The following APOBEC3D variants were observed in gnomAD, a reference collection of about 807,000 sequenced individuals.
The protein encoded by APOBEC3D is DNA dC->dU-editing enzyme APOBEC-3D.
A neutral mutation model predicts 45.6 loss-of-function variants in APOBEC3D; 37 were observed. The ratio of observed to expected loss-of-function variants is 0.81; its 90% CI spans 0.62 to 1.07. The LOEUF is 1.07. Ranked by LOEUF, APOBEC3D falls within the 50% of genes least tolerant of loss-of-function variation. The pLI, the probability that APOBEC3D is intolerant of heterozygous loss-of-function variation, is 0.00. For missense variants in APOBEC3D, 496 were observed against 495.3 expected, an observed-to-expected ratio of 1.00 and a Z score of -0.01; for synonymous variants, 175 against 180.7, an observed-to-expected ratio of 0.97 and a Z score of 0.25.
chr22:39,021,613 C>T, intron 1 of APOBEC3D, 77 bp downstream of exon 1: 2 of 1,599,044 alleles, frequency 1.3e-6, no homozygotes, highest in East Asian at 2.2e-5. Context: ...CAGCCCTGGC[C>T]TCCCCCTGCC....
At chr22:39,023,429 C>G (rs1416192414) in intron 2 of APOBEC3D, among the ~76,000 whole-genome samples, 1 of 146,410 alleles carries the variant, frequency 6.8e-6, no homozygotes, top group Non-Finnish European at 1.5e-5. Context: ...TCCTATATTT[C>G]TTTTTTCTTT....
At position 39,031,784 on chromosome 22, in the gene APOBEC3D, A is replaced by G. The variant is rs757886878; in HGVS notation, c.853A>G (p.Thr285Ala). ...GTCTCCTAACACAAACTACGAGGTC[A>G]CCTGGTACACATCTTGGAGCCCTTG... is the stretch of plus-strand genomic sequence containing the variant. ...ILSPNTNYEV[T>A]WYTSWSPCPE... The change falls in exon 6 of 7, where the codon ACC (threonine) becomes GCC (alanine). Residue 285 changes from threonine (T) to alanine (A), a missense_variant. Coordinates refer to ENST00000216099, the MANE Select transcript of APOBEC3D (RefSeq NM_152426.4). The G allele has an allele frequency of 8.7e-6, 14 of 1,613,848 alleles. No individual in the cohort carries two copies. Among genetic ancestry groups the G allele is most frequent in the Non-Finnish European group, 1.2e-5 (14 of 1,179,940 alleles).
At chr22:39,022,123 C>T (rs1255485291) in intron 1 of APOBEC3D, among the ~76,000 whole-genome samples, 2 of 152,200 alleles carry the variant, frequency 1.3e-5, no homozygotes, top group Non-Finnish European at 2.9e-5. Flanking sequence ...TGAGAAAGAA[C>T]GCGATGATCA....
chr22:39,025,739 C>T lies in APOBEC3D; in HGVS notation c.605+68C>T, dbSNP rs1925589060. The T allele has an allele frequency of 2.1e-5, 34 of 1,608,890 alleles. No homozygotes were observed. In the South Asian group the frequency reaches 3.5e-4, roughly 17 times the overall value. ...TCCTGCTCATCCTCCTGAGGACTCC[C>T]CTGGCTGGGCCCTCCTGCCCTCCGT... On this transcript the variant is annotated intron_variant, in intron 4 of 6. Transcript: ENST00000216099.
At chr22:39,021,951 A>C (rs927496759) in intron 1 of APOBEC3D, among the ~76,000 whole-genome samples, 2 of 152,190 alleles carry the variant, frequency 1.3e-5, no homozygotes, top group Admixed American at 6.5e-5. Context: ...TACTTTGTTT[A>C]AATACAAAGT....
Position 39,032,585 on chromosome 22 carries a change from A to G in APOBEC3D, c.*269A>G, listed in dbSNP as rs543144989. 6.3e-6 allele frequency: 7 copies of G among 1,116,158 alleles called. No homozygotes were observed. In the East Asian group the frequency reaches 1.9e-4, roughly 31 times the overall value. 69.1% of individuals were successfully genotyped at this position (1,116,158 alleles called of 1,614,324 possible). A position where few individuals can be genotyped will look rare whatever the true frequency, so the allele number is the denominator to read the frequency against. ...CTCTTCCCATCTCCCCAGCATAACC[A>G]AATCTTTTTTTTTTTTTTTTTTTTT... On this transcript the variant is annotated 3_prime_UTR_variant, in exon 7 of 7. Coordinates refer to ENST00000216099, the MANE Select transcript of APOBEC3D (RefSeq NM_152426.4).
At chr22:39,023,568 A>T (rs1469452483) in intron 2 of APOBEC3D, among the ~76,000 whole-genome samples, 1 of 149,474 alleles carries the variant, frequency 6.7e-6, no homozygotes, top group Non-Finnish European at 1.5e-5. Context: ...TGCCTCAGCC[A>T]CCTGAATAGC....
intron 4 of APOBEC3D, among the ~76,000 whole-genome samples, chr22:39,026,757 G>T (rs28517561): frequency 0.53 from 75,117 of 141,722 alleles, 19,343 homozygotes; most frequent in East Asian, 0.73. Flanking sequence ...AGGTTTTTTT[G>T]TTTTTTTTTT....
At position 39,025,500 on chromosome 22, in the gene APOBEC3D, G is replaced by A. The variant is rs963420093; in HGVS notation, c.491-57G>A. 3 of 1,613,978 alleles carry A rather than the reference G, an allele frequency of 1.9e-6. No homozygotes were observed. In the African/African-American group the frequency reaches 4.0e-5, roughly 22 times the overall value. On this transcript the variant is annotated intron_variant, in intron 3 of 6. Transcript: ENST00000216099. ...ACTGACAGCCAGGAGACCAGGCCTG[G>A]GAGGGCAGGCCCAGGGTCAGGGGAG...
At chr22:39,024,361 A>C (rs1359964800) in intron 2 of APOBEC3D, among the ~76,000 whole-genome samples, 1 of 152,186 alleles carries the variant, frequency 6.6e-6, no homozygotes, top group Non-Finnish European at 1.5e-5. Flanking sequence ...GAGGGCCAGG[A>C]CACAGTAGGG....
chr22:39,032,565 C>T lies in APOBEC3D; in HGVS notation c.*249C>T, dbSNP rs1157714868. ...CCTGGGTGCCCCTAACTTGACTCTTCCCATCTCCCCAGCATAACCAAATCT... is the reference window on the plus strand; with the variant it reads ...CCTGGGTGCCCCTAACTTGACTCTTTCCATCTCCCCAGCATAACCAAATCT... On this transcript the variant is annotated 3_prime_UTR_variant, in exon 7 of 7. Coordinates refer to ENST00000216099, the MANE Select transcript of APOBEC3D (RefSeq NM_152426.4). 2 of 1,244,056 alleles carry T rather than the reference C, an allele frequency of 1.6e-6. No individual in the cohort carries two copies. The highest frequency in any genetic ancestry group is 2.0e-6 in the Non-Finnish European group (2 of 992,618). 77.1% of individuals were successfully genotyped at this position (1,244,056 alleles called of 1,614,324 possible). A position where few individuals can be genotyped will look rare whatever the true frequency, so the allele number is the denominator to read the frequency against.
intron 3 of APOBEC3D, 56 bp downstream of exon 3, chr22:39,025,405 A>G: frequency 6.2e-7 from 1 of 1,612,444 alleles, no homozygotes; most frequent in Non-Finnish European, 8.5e-7. Context: ...TCAGAGATGG[A>G]TGGATCTGCA....
chr22:39,027,809 G>A (rs118081816), intron 4 of APOBEC3D, among the ~76,000 whole-genome samples: 1 of 152,070 alleles, frequency 6.6e-6, no homozygotes, highest in African/African-American at 2.4e-5. Context: ...CTGCTATGTG[G>A]TCGCCCCACT....
In APOBEC3D at chr22:39,032,480, G is replaced by T; in HGVS notation, c.*164G>T. The T allele has an allele frequency of 2.8e-6, 4 of 1,417,200 alleles. No homozygotes were observed. Among genetic ancestry groups the T allele is most frequent in the Non-Finnish European group, 2.8e-6 (3 of 1,090,344 alleles). The allele number at this position is 1,417,200 out of a possible 1,614,324, so 87.8% of individuals were successfully genotyped here. ...CCCCCTGCCTCACCACCTCCTCCCCGCTCTCCCAGGCTCTTCTTGTAGAGG... is the reference window on the plus strand; with the variant it reads ...CCCCCTGCCTCACCACCTCCTCCCCTCTCTCCCAGGCTCTTCTTGTAGAGG... On this transcript the variant is annotated 3_prime_UTR_variant, in exon 7 of 7. Transcript: ENST00000216099.
intron 3 of APOBEC3D, 32 bp downstream of exon 3, chr22:39,025,381 G>A (rs368930676): frequency 5.0e-6 from 8 of 1,612,126 alleles, no homozygotes; most frequent in African/African-American, 4.0e-5. Flanking sequence ...GGAGCATGAC[G>A]GGGAGGAACA....
chr22:39,025,795 C>T, intron 4 of APOBEC3D, 124 bp downstream of exon 4: 5 of 1,535,240 alleles, frequency 3.3e-6, no homozygotes, highest in Non-Finnish European at 4.4e-6. Flanking sequence ...CATGGTTACA[C>T]CCCCTCACCC....
chr22:39,027,755 C>T (rs555424706), intron 4 of APOBEC3D, among the ~76,000 whole-genome samples: 1 of 152,190 alleles, frequency 6.6e-6, no homozygotes, highest in Non-Finnish European at 1.5e-5. Flanking sequence ...GCTCCCTCCC[C>T]TCTGGTTCCT....
rs181895478 is a variant in APOBEC3D at position 39,032,284 on chromosome 22, C to T, written c.1129C>T (p.Leu377=). ...WKGLQTNFRL[L]KRRLREILQ is the part of the protein sequence containing the mutation. Reference sequence around the variant, plus strand: ...GGGACTACAAACCAACTTTCGACTTCTGAAAAGAAGGCTACGGGAGATTCT... The same window carrying T: ...GGGACTACAAACCAACTTTCGACTTTTGAAAAGAAGGCTACGGGAGATTCT... Residue 377 remains leucine (L), a synonymous_variant, in exon 7 of 7, where the codon CTG becomes TTG. Transcript: ENST00000216099. The T allele has an allele frequency of 6.2e-7, 1 of 1,614,186 alleles. No homozygotes were observed. The highest frequency in any genetic ancestry group is 8.5e-7 in the Non-Finnish European group (1 of 1,180,024).
chr22:39,024,147 C>A lies in APOBEC3D; in HGVS notation c.211-923C>A, dbSNP rs547586556. ...ATCCAGTGTAGCTAACATATTACTT[C>A]AACGCTGATTAACATAAAATTCTTC... On this transcript the variant is annotated intron_variant, in intron 2 of 6. Coordinates refer to ENST00000216099, the MANE Select transcript of APOBEC3D (RefSeq NM_152426.4). Among the ~76,000 whole-genome samples the A allele has an allele frequency of 1.9e-3, 285 of 152,344 alleles. 2 individuals are homozygous for A. Among genetic ancestry groups the A allele is most frequent in the Non-Finnish European group, 3.0e-3 (203 of 68,032 alleles).
Sources: gnomAD v4.1 joint callset for allele counts (sites outside exome capture counted in the v4.1 genomes callset) on GRCh38, gnomAD v4.1.1 for gene constraint, MANE v1.5 for transcripts, NCBI Gene and HGNC (gene_info 2026-07-23, HGNC 2026-07-21) for gene names.